The following FAT4 variants were observed in gnomAD, a reference collection of about 807,000 sequenced individuals.
The protein encoded by FAT4 is protocadherin Fat 4.
Under a neutral mutation model 303.9 loss-of-function variants are expected in FAT4, and 84 were observed. The ratio of observed to expected loss-of-function variants is 0.28; its 90% CI spans 0.23 to 0.33. The LOEUF (loss-of-function observed/expected upper bound fraction) is 0.33. Ranked by LOEUF, FAT4 falls within the 10% of genes least tolerant of loss-of-function variation. The pLI is 1.00. For missense variants in FAT4, 6,005 were observed against 6,146.8 expected (o/e 0.98, Z 0.77); for synonymous variants, 2,307 against 2,298.8 (o/e 1.00, Z -0.10).
chr4:125,418,594 A>T (rs554541294), intron 7 of FAT4, among the ~76,000 whole-genome samples: 1 of 152,256 alleles, frequency 6.6e-6, no homozygotes, highest in South Asian at 2.1e-4. Flanking sequence ...TCCTGTAGAT[A>T]ATTAAATTGC....
intron 10 of FAT4, among the ~76,000 whole-genome samples, chr4:125,453,809 G>T (rs1476356297): frequency 6.6e-6 from 1 of 152,052 alleles, no homozygotes; most frequent in Non-Finnish European, 1.5e-5. Flanking sequence ...AGCTTATCTT[G>T]ACAGACTAGA....
At chr4:125,438,365 G>A (rs1202857299) in intron 8 of FAT4, among the ~76,000 whole-genome samples, 1 of 152,070 alleles carries the variant, frequency 6.6e-6, no homozygotes, top group Non-Finnish European at 1.5e-5. Flanking sequence ...ATTTGGTCTA[G>A]AAAAATTGTA....
intron 16 of FAT4, among the ~76,000 whole-genome samples, chr4:125,486,397 G>A (rs936023947): frequency 2.0e-5 from 3 of 151,924 alleles, no homozygotes; most frequent in Admixed American, 6.6e-5. Context: ...CTGATTTTTA[G>A]TTTTACCAGA....
In FAT4 at chr4:125,409,414, G is replaced by C. The variant is rs530703523; in HGVS notation, c.5920+620G>C. On this transcript the variant is annotated intron_variant, in intron 5 of 17. Transcript: ENST00000394329. ...TAGGATTATAGGCATGCACCACCACGCCTGGCTAATTTTGTATTTTTAGTA... is the reference window on the plus strand; with the variant it reads ...TAGGATTATAGGCATGCACCACCACCCCTGGCTAATTTTGTATTTTTAGTA... Among the ~76,000 whole-genome samples the C allele has an allele frequency of 2.0e-5, 3 of 151,952 alleles. No individual in the cohort carries two copies. In the South Asian group the frequency reaches 6.3e-4, roughly 32 times the overall value.
Position 125,317,291 on chromosome 4 carries a change from A to G in FAT4, c.880A>G (p.Thr294Ala). ...DIRYRLQDEGTPFQMDPETGL... is the reference protein window; with the variant it reads ...DIRYRLQDEGAPFQMDPETGL... ...CCGCTATCGCCTGCAGGACGAGGGG[A>G]CCCCCTTCCAAATGGACCCTGAGAC... Residue 294 changes from threonine (T) to alanine (A), a missense_variant, in exon 2 of 18, where the codon ACC becomes GCC. Coordinates refer to ENST00000394329, the MANE Select transcript of FAT4 (RefSeq NM_001291303.3). This position sits in a 1 kb window ranked among gnomAD's most constrained non-coding sequence, Gnocchi z 7.0. 2 of 1,593,330 alleles carry G rather than the reference A, an allele frequency of 1.3e-6. No individual in the cohort carries two copies. The highest frequency in any genetic ancestry group is 1.7e-6 in the Non-Finnish European group (2 of 1,167,490).
chr4:125,432,641 A>G (rs1725320455), intron 7 of FAT4, among the ~76,000 whole-genome samples: 2 of 152,060 alleles, frequency 1.3e-5, no homozygotes, highest in South Asian at 4.1e-4. Flanking sequence ...ATAGTTCATT[A>G]TGCATATTAC....
intron 5 of FAT4, among the ~76,000 whole-genome samples, chr4:125,413,776 T>G (rs1312537008): frequency 1.3e-5 from 2 of 151,870 alleles, no homozygotes; most frequent in Non-Finnish European, 2.9e-5. Flanking sequence ...AGTAAAAGGG[T>G]GATTAAATTG....
At chr4:125,337,708 T>C (rs1304030482) in intron 2 of FAT4, among the ~76,000 whole-genome samples, 1 of 152,136 alleles carries the variant, frequency 6.6e-6, no homozygotes, top group African/African-American at 2.4e-5. Context: ...TTACTGTTAT[T>C]ACATATAAAA....
At chr4:125,485,627 T>C (rs888870975) in intron 16 of FAT4, among the ~76,000 whole-genome samples, 1 of 152,162 alleles carries the variant, frequency 6.6e-6, no homozygotes, top group African/African-American at 2.4e-5. Flanking sequence ...CTAAAGGACC[T>C]GGATGAGGCT....
chr4:125,318,304 C>T lies in FAT4; in HGVS notation c.1893C>T (p.Ser631=), dbSNP rs1246067040. ...SLQEAETDRR[S]FRLDPVSGRL... ...AAGAGGCAGAGACTGACCGGAGGTC[C>T]TTCCGTCTGGATCCTGTGTCTGGGA... The change falls in exon 2 of 18, where the codon TCC becomes TCT. Residue 631 remains serine, a synonymous_variant. Coordinates refer to ENST00000394329, the MANE Select transcript of FAT4 (RefSeq NM_001291303.3). 4 of 1,614,078 alleles carry T rather than the reference C, an allele frequency of 2.5e-6. No individual in the cohort carries two copies. Among genetic ancestry groups the T allele is most frequent in the Admixed American group, 1.7e-5 (1 of 60,008 alleles).
chr4:125,345,423 G>A (rs1031563464), intron 2 of FAT4, among the ~76,000 whole-genome samples: 8 of 151,072 alleles, frequency 5.3e-5, no homozygotes, highest in Admixed American at 3.3e-4. Context: ...AAAGAGGAAT[G>A]ATTAAGGACT....
intron 2 of FAT4, among the ~76,000 whole-genome samples, chr4:125,382,181 A>G (rs1733566913): frequency 6.6e-6 from 1 of 152,098 alleles, no homozygotes; most frequent in African/African-American, 2.4e-5. Context: ...ATGAATCACA[A>G]ATGTCTTTAA....
intron 2 of FAT4, among the ~76,000 whole-genome samples, chr4:125,341,873 G>A (rs1301853796): frequency 6.6e-6 from 1 of 152,034 alleles, no homozygotes; most frequent in East Asian, 1.9e-4. Flanking sequence ...GTCTTCCAAA[G>A]ACATTGATTT....
chr4:125,486,977 A>C (rs1036578235), intron 16 of FAT4, among the ~76,000 whole-genome samples: 1 of 152,110 alleles, frequency 6.6e-6, no homozygotes, highest in East Asian at 1.9e-4. Flanking sequence ...TACTAAACGA[A>C]CCAGCATAAC....
At chr4:125,436,730 T>C (rs1332931229) in intron 8 of FAT4, among the ~76,000 whole-genome samples, 1 of 152,182 alleles carries the variant, frequency 6.6e-6, no homozygotes, top group Non-Finnish European at 1.5e-5. Flanking sequence ...CTCCCATTTA[T>C]AAAACCATCA....
At chr4:125,471,889 A>C (rs2126079110) in intron 12 of FAT4, among the ~76,000 whole-genome samples, 1 of 87,948 alleles carries the variant, frequency 1.1e-5, no homozygotes, top group African/African-American at 4.2e-5. Flanking sequence ...GTCTCTACTA[A>C]AAATACAAAA....
intron 2 of FAT4, among the ~76,000 whole-genome samples, chr4:125,333,397 A>G (rs568101934): frequency 1.3e-5 from 2 of 152,322 alleles, no homozygotes; most frequent in Admixed American, 6.5e-5. Flanking sequence ...CAGATTTTTA[A>G]CATCATTTTA....
At chr4:125,341,712 T>G (rs2125968852) in intron 2 of FAT4, among the ~76,000 whole-genome samples, 1 of 152,162 alleles carries the variant, frequency 6.6e-6, no homozygotes, top group Admixed American at 6.5e-5. Context: ...AATGTAACAT[T>G]CTATATGTAA....
chr4:125,483,321 A>T (rs968533457), intron 16 of FAT4, among the ~76,000 whole-genome samples: 4 of 152,240 alleles, frequency 2.6e-5, no homozygotes, highest in African/African-American at 9.6e-5. Context: ...CTCATCTTCT[A>T]TAAGAAACAT....
Sources: gnomAD v4.1 joint callset for allele counts (sites outside exome capture counted in the v4.1 genomes callset) on GRCh38, gnomAD v4.1.1 for gene constraint, Gnocchi (gnomAD v3.1) non-coding constraint, MANE v1.5 for transcripts, NCBI Gene and HGNC (gene_info 2026-07-23, HGNC 2026-07-21) for gene names.